Variants in CAMK2A observed in about 807,000 individuals in gnomAD.
CAMK2A encodes the protein calcium/calmodulin-dependent protein kinase type II subunit alpha.
A neutral mutation model predicts 79.2 loss-of-function variants in CAMK2A; 7 were observed. That is an observed-to-expected ratio of 0.09 (90% CI 0.05 to 0.17). The LOEUF (loss-of-function observed/expected upper bound fraction) is 0.17, where lower values mean the gene tolerates loss of function less well. Ranked by LOEUF, CAMK2A falls within the 10% of genes least tolerant of loss-of-function variation. The pLI is 1.00. For synonymous variants in CAMK2A, 242 were observed against 251.7 expected (o/e 0.96, Z 0.36); for missense variants, 214 against 646.4 (o/e 0.33, Z 7.25).
intron 16 of CAMK2A, among the ~76,000 whole-genome samples, chr5:150,228,907 C>T (rs1754722028): frequency 6.6e-6 from 1 of 152,172 alleles, no homozygotes; most frequent in Admixed American, 6.5e-5. Context: ...AGGAGAAGCA[C>T]AGGGCATGAC....
At chr5:150,265,106 T>A in intron 2 of CAMK2A, 91 bp from the exon 3 acceptor site, 1 of 970,626 alleles carries the variant, frequency 1.0e-6, no homozygotes, top group Admixed American at 1.9e-5. Flanking sequence ...TATCTCCACC[T>A]CCCAGGGCAG....
chr5:150,221,954 C>T lies in CAMK2A; in HGVS notation c.*756G>A, dbSNP rs1041365624. On this transcript the variant is annotated 3_prime_UTR_variant, in exon 19 of 19. Coordinates refer to ENST00000671881, the MANE Select transcript of CAMK2A (RefSeq NM_015981.4). The stretch of plus-strand genomic sequence containing the variant: ...AAGTAGAAGTGATACCTAAACGTTG[C>T]TTTCTTTTGCCCCCCAAAAACAATT... 1 of 215,174 alleles carries T rather than the reference C, an allele frequency of 4.6e-6. No individual in the cohort carries two copies. The highest frequency in any genetic ancestry group is 9.2e-6 in the Non-Finnish European group (1 of 108,888). The allele number at this position is 215,174 out of a possible 1,614,324, so 13.3% of individuals were successfully genotyped here. A position where few individuals can be genotyped will look rare whatever the true frequency, so the allele number is the denominator to read the frequency against.
At chr5:150,246,715 G>T (rs908037666) in intron 12 of CAMK2A, among the ~76,000 whole-genome samples, 7 of 152,164 alleles carry the variant, frequency 4.6e-5, no homozygotes, top group Non-Finnish European at 7.3e-5. Flanking sequence ...AGGGTGGGAA[G>T]GCAGTTTAAC....
At chr5:150,253,031 T>C (rs1456676925) in intron 7 of CAMK2A, among the ~76,000 whole-genome samples, 1 of 152,232 alleles carries the variant, frequency 6.6e-6, no homozygotes, top group Non-Finnish European at 1.5e-5. Flanking sequence ...CTTTTAAACT[T>C]TCTTGACCTT....
In CAMK2A at chr5:150,248,633, G is replaced by C. The variant is rs4958268; in HGVS notation, c.901-819C>G. 2.6e-5 allele frequency among the ~76,000 whole-genome samples: 4 copies of C among 151,846 alleles called. No homozygotes were observed. In the East Asian group the frequency reaches 7.8e-4, roughly 30 times the overall value. On this transcript the variant is annotated intron_variant, in intron 11 of 18. Transcript: ENST00000671881. The stretch of plus-strand genomic sequence containing the variant: ...AGTTTGCTGAGAATGATGGTTTCCA[G>C]CTTCATCCATGTCCCTACAAAGGAC...
chr5:150,270,978 C>T (rs913234543), intron 2 of CAMK2A, among the ~76,000 whole-genome samples: 18 of 152,156 alleles, frequency 1.2e-4, no homozygotes, highest in African/African-American at 3.9e-4. Flanking sequence ...TGAACTAACC[C>T]GAGATCCCCA....
chr5:150,277,057 C>T (rs1756980101), intron 1 of CAMK2A, among the ~76,000 whole-genome samples: 1 of 152,158 alleles, frequency 6.6e-6, no homozygotes, highest in Non-Finnish European at 1.5e-5. Flanking sequence ...TGGCGAAACC[C>T]CATCTCTACT....
chr5:150,270,618 C>T (rs895790820), intron 2 of CAMK2A, among the ~76,000 whole-genome samples: 2 of 151,136 alleles, frequency 1.3e-5, no homozygotes, highest in African/African-American at 2.4e-5. Flanking sequence ...GCACCATGAG[C>T]GGCAAACAAA....
rs558716314 is a variant in CAMK2A, at chr5:150,283,136, C to T, written c.62+6428G>A. Among the ~76,000 whole-genome samples the T allele has an allele frequency of 3.3e-5, 5 of 152,328 alleles. No homozygotes were observed. In the South Asian group the frequency reaches 8.3e-4, roughly 25 times the overall value. ...GATTCAGCTTCCAGACCTTCACCAC[C>T]CTGCCTGGCCCCCTCTTCCAGACAA... On this transcript the variant is annotated intron_variant, in intron 1 of 18. Transcript: ENST00000671881.
Position 150,273,772 on chromosome 5 carries a change from T to C in CAMK2A, c.63-613A>G, listed in dbSNP as rs547716414. Among the ~76,000 whole-genome samples, 228 of 152,362 alleles carry C rather than the reference T, an allele frequency of 1.5e-3. 1 individual carries two copies. Among genetic ancestry groups the C allele is most frequent in the African/African-American group, 5.1e-3 (214 of 41,576 alleles). On this transcript the variant is annotated intron_variant, in intron 1 of 18. Coordinates refer to ENST00000671881, the MANE Select transcript of CAMK2A (RefSeq NM_015981.4). ...CATAAGAGTTCCTTGTTACTTAGTA[T>C]GTAATTGTATGGCTGTCCGATCCTT...
intron 11 of CAMK2A, among the ~76,000 whole-genome samples, chr5:150,249,141 T>C (rs1255041911): frequency 6.6e-6 from 1 of 152,140 alleles, no homozygotes; most frequent in East Asian, 1.9e-4. Context: ...GATAAGGAGG[T>C]TCCACAAGAG....
chr5:150,230,317 CAAAAAAAAAAAAA>C lies in CAMK2A; in HGVS notation c.1142+975_1142+987del, dbSNP rs1216883745. Among the ~76,000 whole-genome samples, 12 of 60,642 alleles carry C rather than the reference CAAAAAAAAAAAAA, an allele frequency of 2.0e-4. No individual in the cohort carries two copies. The South Asian group carries it at 7.2e-3, about 37-fold the overall frequency. 39.8% of individuals were successfully genotyped at this position (60,642 alleles called of 152,430 possible). On this transcript the variant is annotated intron_variant, in intron 16 of 18. Coordinates refer to ENST00000671881, the MANE Select transcript of CAMK2A (RefSeq NM_015981.4). ...TGGGTGACAGAGTGAGACTCCGTCTCAAAAAAAAAAAAAAAAAAAAAAAGGGAAAAAAAAAAGA... is the reference window on the plus strand; with the variant it reads ...TGGGTGACAGAGTGAGACTCCGTCTCAAAAAAAAAAGGGAAAAAAAAAAGA...
intron 3 of CAMK2A, among the ~76,000 whole-genome samples, chr5:150,263,848 G>A (rs1357192618): frequency 6.6e-6 from 1 of 152,210 alleles, no homozygotes; most frequent in Non-Finnish European, 1.5e-5. Context: ...CAGGGACCAG[G>A]GTTCAAACAG....
At position 150,247,713 on chromosome 5, in the gene CAMK2A, C is replaced by T. The variant is rs369405600; in HGVS notation, c.943+59G>A. ...GGGGGCACTCCAATATCTGACAGGA[C>T]GGTGCCCCCAACGAACTGGTGCAGG... is the stretch of plus-strand genomic sequence containing the variant. On this transcript the variant is annotated intron_variant, in intron 12 of 18. Transcript: ENST00000671881. 2.0e-4 allele frequency: 278 copies of T among 1,404,898 alleles called. 3 individuals carry two copies. Among genetic ancestry groups the T allele is most frequent in the African/African-American group, 1.6e-3 (112 of 71,154 alleles). 87.0% of individuals were successfully genotyped at this position (1,404,898 alleles called of 1,614,324 possible). A position where few individuals can be genotyped will look rare whatever the true frequency, so the allele number is the denominator to read the frequency against.
chr5:150,245,370 C>A, intron 12 of CAMK2A, 169 bp from the exon 13 acceptor site: 1 of 618,984 alleles, frequency 1.6e-6, no homozygotes, highest in Non-Finnish European at 2.8e-6. Flanking sequence ...CCTCCTCCTC[C>A]TCCTCCCTCC....
At chr5:150,241,319 C>T (rs1755325176) in intron 13 of CAMK2A, among the ~76,000 whole-genome samples, 1 of 151,940 alleles carries the variant, frequency 6.6e-6, no homozygotes, top group Admixed American at 6.6e-5. Flanking sequence ...GATTCCCTTC[C>T]CCTCTCCTCC....
intron 17 of CAMK2A, among the ~76,000 whole-genome samples, chr5:150,226,426 C>T (rs1754599222): frequency 6.6e-6 from 1 of 152,132 alleles, no homozygotes; most frequent in Non-Finnish European, 1.5e-5. Flanking sequence ...ACAAGTGCCA[C>T]TGTACGTACT....
chr5:150,281,844 C>T (rs1580957973), intron 1 of CAMK2A, among the ~76,000 whole-genome samples: 1 of 152,192 alleles, frequency 6.6e-6, no homozygotes, highest in African/African-American at 2.4e-5. Flanking sequence ...CTCAGCTTAC[C>T]CATCTGTGAA....
intron 7 of CAMK2A, among the ~76,000 whole-genome samples, chr5:150,252,458 C>T (rs1157666091): frequency 6.6e-6 from 1 of 152,208 alleles, no homozygotes; most frequent in East Asian, 1.9e-4. Context: ...ATGTCAGCCC[C>T]AGGCTGAGAG....
Sources: allele counts gnomAD v4.1 joint callset (sites outside exome capture counted in the v4.1 genomes callset), GRCh38; gene constraint gnomAD v4.1.1; transcripts MANE v1.5; gene names NCBI Gene and HGNC (gene_info 2026-07-23, HGNC 2026-07-21).